Variants in SH3BP5 observed in about 807,000 individuals in gnomAD.
The protein encoded by SH3BP5 is SH3 domain binding protein 5, also known as SH3 domain-binding protein 5.
SH3BP5 carries 22 observed loss-of-function variants against 43.3 expected under a neutral mutation model. The ratio of observed to expected loss-of-function variants is 0.51; its 90% confidence interval spans 0.36 to 0.73. SH3BP5 has a LOEUF of 0.73. SH3BP5 is among the 30% of genes least tolerant of loss of function. The pLI is 0.00. For missense variants in SH3BP5, 529 were observed against 586.9 expected, an observed-to-expected ratio of 0.90 and a Z score of 1.02; for synonymous variants, 255 against 225.8, an observed-to-expected ratio of 1.13 and a Z score of -1.16.
At chr3:15,322,348 T>C (rs56059692) in intron 2 of SH3BP5, among the ~76,000 whole-genome samples, 14,586 of 152,210 alleles carry the variant, frequency 0.096, 2,235 homozygotes, top group African/African-American at 0.32. Context: ...ACCATGGCCA[T>C]TTGTCCATAT....
chr3:15,260,228 C>A (rs1696384733), intron 5 of SH3BP5: 2 of 205,410 alleles, frequency 9.7e-6, no homozygotes, highest in South Asian at 6.9e-5. Context: ...CTGCTTAAAC[C>A]TCCTCCTCTA....
In SH3BP5 at chr3:15,277,303, C is replaced by T. The variant is rs372793581; in HGVS notation, c.331-7426G>A. ...TAAACTTCTATTAAACACCACTTGC[C>T]GGTGCTGCAAACTCCTGACAAAGAA... On this transcript the variant is annotated intron_variant, in intron 3 of 8. Transcript: ENST00000383791. Among the ~76,000 whole-genome samples, 187 of 152,258 alleles carry T rather than the reference C, an allele frequency of 1.2e-3. 2 individuals carry two copies. Among genetic ancestry groups the T allele is most frequent in the African/African-American group, 3.9e-3 (163 of 41,544 alleles).
intron 2 of SH3BP5, among the ~76,000 whole-genome samples, chr3:15,305,074 GC>G (rs1404279512): frequency 6.6e-6 from 1 of 151,258 alleles, no homozygotes; most frequent in African/African-American, 2.4e-5. Flanking sequence ...CCGAGATCGT[GC>G]CACTGCACTG....
At chr3:15,332,030 C>T (rs1246687231) in intron 1 of SH3BP5, 1 of 572,352 alleles carries the variant, frequency 1.7e-6, no homozygotes, top group Non-Finnish European at 3.0e-6. Context: ...CGACCCCGAT[C>T]CTGCTACGGG....
intron 3 of SH3BP5, among the ~76,000 whole-genome samples, chr3:15,280,345 G>T (rs1445816235): frequency 6.6e-6 from 1 of 151,950 alleles, no homozygotes; most frequent in African/African-American, 2.4e-5. Context: ...TGCAAGGCAG[G>T]GGCCTGAGCT....
chr3:15,282,295 C>G (rs1697152800), intron 3 of SH3BP5, among the ~76,000 whole-genome samples: 2 of 152,180 alleles, frequency 1.3e-5, no homozygotes, highest in African/African-American at 4.8e-5. Context: ...GAGGAAAGTT[C>G]TGTAATGCAG....
chr3:15,292,488 ACGCGGACT>A (rs1697439366), intron 3 of SH3BP5, among the ~76,000 whole-genome samples: 1 of 152,168 alleles, frequency 6.6e-6, no homozygotes, highest in East Asian at 1.9e-4. Flanking sequence ...CCAGTCCCCC[ACGCGGACT>A]TCCTGCCACC....
intron 2 of SH3BP5, among the ~76,000 whole-genome samples, chr3:15,321,839 T>C (rs1030708490): frequency 2.6e-5 from 4 of 151,916 alleles, no homozygotes; most frequent in African/African-American, 9.7e-5. Flanking sequence ...TCTAAAGTCT[T>C]ACTCTCAATT....
intron 2 of SH3BP5, among the ~76,000 whole-genome samples, chr3:15,315,129 A>G (rs1255912289): frequency 6.6e-6 from 1 of 152,306 alleles, no homozygotes; most frequent in Admixed American, 6.5e-5. Context: ...TCAATCAAAC[A>G]GGACACTTTT....
At position 15,311,202 on chromosome 3, in the gene SH3BP5, G is replaced by A. The variant is rs574152061; in HGVS notation, c.202-6971C>T. ...CAGTTGGCAGAAAGAGGTTTCCCAG[G>A]CATTATCTGAGACACACAACAACCC... On this transcript the variant is annotated intron_variant, in intron 2 of 8. Coordinates refer to ENST00000383791, the MANE Select transcript of SH3BP5 (RefSeq NM_004844.5). Among the ~76,000 whole-genome samples, 10 of 152,214 alleles carry A rather than the reference G, an allele frequency of 6.6e-5. No individual in the cohort carries two copies. The South Asian group carries it at 2.1e-3, about 32-fold the overall frequency.
At chr3:15,297,694 T>C (rs993835814) in intron 3 of SH3BP5, among the ~76,000 whole-genome samples, 2 of 151,972 alleles carry the variant, frequency 1.3e-5, no homozygotes, top group African/African-American at 4.8e-5. Context: ...CAACACTGTA[T>C]GAAAATGACC....
intron 2 of SH3BP5, among the ~76,000 whole-genome samples, chr3:15,313,671 C>G (rs1299698297): frequency 2.0e-5 from 3 of 152,256 alleles, no homozygotes; most frequent in Non-Finnish European, 4.4e-5. Context: ...GGAGCAAGTG[C>G]TCTCCAGTGC....
rs1368110022 is a variant in SH3BP5, at chr3:15,255,302, C to A, written c.*784G>T. Reference sequence around the variant, plus strand: ...CAATCTAATAACAGTGGCAACCATTCTTCACATGCACTTCTCTTAGAATAA... The same window carrying A: ...CAATCTAATAACAGTGGCAACCATTATTCACATGCACTTCTCTTAGAATAA... On this transcript the variant is annotated 3_prime_UTR_variant, in exon 9 of 9. Transcript: ENST00000383791. 1 of 152,606 alleles carries A rather than the reference C, an allele frequency of 6.6e-6. No individual in the cohort carries two copies. Among genetic ancestry groups the A allele is most frequent in the African/African-American group, 2.4e-5 (1 of 41,430 alleles). 9.5% of individuals were successfully genotyped at this position (152,606 alleles called of 1,614,324 possible).
chr3:15,306,055 A>T (rs540285577), intron 2 of SH3BP5, among the ~76,000 whole-genome samples: 344 of 24,204 alleles, frequency 0.014, 2 homozygotes, highest in African/African-American at 0.02. Context: ...GCATGAGTTT[A>T]AAAAAAAAAG....
intron 2 of SH3BP5, among the ~76,000 whole-genome samples, chr3:15,307,819 T>G (rs1697952110): frequency 6.6e-6 from 1 of 152,330 alleles, no homozygotes; most frequent in Non-Finnish European, 1.5e-5. Context: ...CTGTCCACAT[T>G]CACACCAGTG....
upstream of SH3BP5, among the ~76,000 whole-genome samples, chr3:15,334,582 T>A (rs76135820): frequency 6.9e-6 from 1 of 145,502 alleles, no homozygotes; most frequent in African/African-American, 2.5e-5. Flanking sequence ...AAAAAAAAAA[T>A]ACAGTATATG....
At chr3:15,265,512 TCACACACACACACACACACACACA>T (rs368955496) in intron 4 of SH3BP5, among the ~76,000 whole-genome samples, 33 of 107,926 alleles carry the variant, frequency 3.1e-4, no homozygotes, top group African/African-American at 9.6e-4. Context: ...CGAGACTCCG[TCACACACACACACACACACACACA>T]CACACACACA....
chr3:15,265,789 C>T (rs866001375), intron 4 of SH3BP5, among the ~76,000 whole-genome samples: 3 of 152,066 alleles, frequency 2.0e-5, no homozygotes, highest in South Asian at 2.1e-4. Context: ...CCCCATACTC[C>T]GGAGCAGCAT....
chr3:15,321,841 C>T (rs150277769), intron 2 of SH3BP5, among the ~76,000 whole-genome samples: 1 of 151,754 alleles, frequency 6.6e-6, no homozygotes, highest in East Asian at 1.9e-4. Flanking sequence ...TAAAGTCTTA[C>T]TCTCAATTTC....
Sources: allele counts gnomAD v4.1 joint callset (sites outside exome capture counted in the v4.1 genomes callset), GRCh38; gene constraint gnomAD v4.1.1; transcripts MANE v1.5; gene names NCBI Gene and HGNC (gene_info 2026-07-23, HGNC 2026-07-21).